Variants in SMAD1 observed in about 807,000 individuals in gnomAD.
The protein encoded by SMAD1 is SMAD family member 1.
Under a neutral mutation model 41.6 loss-of-function variants are expected in SMAD1, and 6 were observed. The observed-to-expected ratio is 0.14, with a 90% confidence interval of 0.08 to 0.28. The LOEUF (loss-of-function observed/expected upper bound fraction) is 0.28. Ranked by LOEUF, SMAD1 falls within the 10% of genes least tolerant of loss-of-function variation. The pLI is 1.00. For synonymous variants in SMAD1, 206 were observed against 203.2 expected, an observed-to-expected ratio of 1.01 and a Z score of -0.12; for missense variants, 379 against 582.6, an observed-to-expected ratio of 0.65 and a Z score of 3.60.
intron 2 of SMAD1, among the ~76,000 whole-genome samples, chr4:145,533,514 T>C (rs756070798): frequency 1.2e-4 from 18 of 151,532 alleles, no homozygotes; most frequent in African/African-American, 3.4e-4. Context: ...AGCGAGACCC[T>C]GTCTCTACAA....
At chr4:145,491,649 G>GGA (rs1193900308) in intron 1 of SMAD1, among the ~76,000 whole-genome samples, 2 of 152,154 alleles carry the variant, frequency 1.3e-5, no homozygotes, top group Non-Finnish European at 2.9e-5. Context: ...GGAGTGTCAA[G>GGA]GAGGTACAAG....
At chr4:145,535,384 A>C (rs563856519) in intron 2 of SMAD1, among the ~76,000 whole-genome samples, 1 of 152,366 alleles carries the variant, frequency 6.6e-6, no homozygotes, top group South Asian at 2.1e-4. Flanking sequence ...ATATATGCAC[A>C]GTCATTGCAG....
At chr4:145,493,608 A>G (rs1335373820) in intron 1 of SMAD1, among the ~76,000 whole-genome samples, 1 of 152,230 alleles carries the variant, frequency 6.6e-6, no homozygotes, top group Non-Finnish European at 1.5e-5. Flanking sequence ...TTTATAGCAT[A>G]TATTTGCTGA....
At chr4:145,494,037 C>T (rs1168819850) in intron 1 of SMAD1, among the ~76,000 whole-genome samples, 1 of 152,324 alleles carries the variant, frequency 6.6e-6, no homozygotes, top group East Asian at 1.9e-4. Flanking sequence ...TCTTGGCTCA[C>T]TGCAACCTCC....
At chr4:145,532,048 G>A (rs886290605) in intron 2 of SMAD1, among the ~76,000 whole-genome samples, 1 of 152,160 alleles carries the variant, frequency 6.6e-6, no homozygotes, top group Non-Finnish European at 1.5e-5. Flanking sequence ...CACATCTAGA[G>A]TTTACAGGAA....
rs1732281976 is a variant in SMAD1 at position 145,546,936 on chromosome 4, C to T, written c.997+12C>T. ...GCATATTGGAAAAGGTGAGTTTTTG[C>T]TTTAACCTCTTTCAGATGTTTATCT... On this transcript the variant is annotated intron_variant, in intron 5 of 6. Coordinates refer to ENST00000302085, the MANE Select transcript of SMAD1 (RefSeq NM_005900.3). 6.3e-7 allele frequency: 1 copy of T among 1,591,358 alleles called. No individual in the cohort carries two copies. The highest frequency in any genetic ancestry group is 1.3e-5 in the African/African-American group (1 of 74,536).
chr4:145,499,001 G>A (rs1386525277), intron 1 of SMAD1, among the ~76,000 whole-genome samples: 1 of 151,958 alleles, frequency 6.6e-6, no homozygotes, highest in East Asian at 1.9e-4. Context: ...ACCTCTTATT[G>A]CCACCTTCAG....
chr4:145,542,544 C>A (rs188518060), intron 3 of SMAD1, 38 bp from the exon 4 acceptor site: 2 of 1,276,668 alleles, frequency 1.6e-6, no homozygotes, highest in African/African-American at 3.0e-5. Context: ...TGTATGTTTA[C>A]TAAGGGTTAA....
chr4:145,496,511 A>G (rs981284777), intron 1 of SMAD1, among the ~76,000 whole-genome samples: 2 of 152,240 alleles, frequency 1.3e-5, no homozygotes, highest in African/African-American at 4.8e-5. Context: ...TTTTGAATAT[A>G]GTTGACCCTT....
rs556775650 is a variant in SMAD1, at chr4:145,494,251, C to T, written c.-177+12213C>T. 3.9e-5 allele frequency among the ~76,000 whole-genome samples: 6 copies of T among 152,314 alleles called. No individual in the cohort carries two copies. In the East Asian group the frequency reaches 5.8e-4, roughly 15 times the overall value. ...CTGGGATTACAGGCGTGAGCCACCG[C>T]GCCCGGCCCCAGTTCATTCTTTCAG... On this transcript the variant is annotated intron_variant, in intron 1 of 6. Coordinates refer to ENST00000302085, the MANE Select transcript of SMAD1 (RefSeq NM_005900.3).
In SMAD1 at chr4:145,482,582, G is replaced by C. The variant is rs971329054; in HGVS notation, c.-177+544G>C. The C allele has an allele frequency of 6.7e-6, 1 of 149,512 alleles. No individual in the cohort carries two copies. The highest frequency in any genetic ancestry group is 1.5e-5 in the Non-Finnish European group (1 of 67,042). The allele number at this position is 149,512 out of a possible 1,614,324, so 9.3% of individuals were successfully genotyped here. The stretch of plus-strand genomic sequence containing the variant: ...GCGCCTGGTGGAGCGGGTCTCGCGG[G>C]CGGGGGACCCCGGCGCCCCGGGCCC... On this transcript the variant is annotated intron_variant, in intron 1 of 6. Transcript: ENST00000302085. This position sits in a 1 kb window ranked among gnomAD's most constrained non-coding sequence, Gnocchi z 4.2.
At chr4:145,488,085 A>T (rs1047273811) in intron 1 of SMAD1, among the ~76,000 whole-genome samples, 2 of 152,102 alleles carry the variant, frequency 1.3e-5, no homozygotes, top group East Asian at 3.8e-4. Context: ...GATTTTCCCA[A>T]ATCTCTTTTA....
At chr4:145,518,899 CAAAT>C (rs1420066565) in intron 2 of SMAD1, among the ~76,000 whole-genome samples, 1 of 125,306 alleles carries the variant, frequency 8.0e-6, no homozygotes, top group Non-Finnish European at 2.0e-5. Flanking sequence ...TTTAAATTGA[CAAAT>C]AATTGTATAT....
intron 1 of SMAD1, among the ~76,000 whole-genome samples, chr4:145,490,997 G>A (rs1454210526): frequency 6.6e-6 from 1 of 152,140 alleles, no homozygotes; most frequent in East Asian, 1.9e-4. Flanking sequence ...GAAGGAAAGG[G>A]GAGTTTGATT....
chr4:145,508,439 T>C (rs1004980253), intron 1 of SMAD1, among the ~76,000 whole-genome samples: 3 of 152,116 alleles, frequency 2.0e-5, no homozygotes, highest in African/African-American at 7.2e-5. Context: ...ATATTTTATT[T>C]TCCTTACATG....
At chr4:145,537,123 C>T (rs183435418) in intron 2 of SMAD1, among the ~76,000 whole-genome samples, 188 of 152,270 alleles carry the variant, frequency 1.2e-3, no homozygotes, top group Non-Finnish European at 2.2e-3. Context: ...ATATGTGATT[C>T]TACCTTAGGT....
At position 145,482,197 on chromosome 4, in the gene SMAD1, G is replaced by A. The variant is rs1209386716; in HGVS notation, c.-177+159G>A. Among the ~76,000 whole-genome samples, 1 of 150,798 alleles carries A rather than the reference G, an allele frequency of 6.6e-6. No individual in the cohort carries two copies. The highest frequency in any genetic ancestry group is 1.5e-5 in the Non-Finnish European group (1 of 67,736). On this transcript the variant is annotated intron_variant, in intron 1 of 6. Transcript: ENST00000302085. The surrounding 1 kb of genome is among the most constrained non-coding windows in gnomAD (Gnocchi z 4.2). ...GGGCGCGGGCAGCGGCGGGAAGGGGGCTCTTTCTGCGCGGGGCGGGCCGCG... is the reference window on the plus strand; with the variant it reads ...GGGCGCGGGCAGCGGCGGGAAGGGGACTCTTTCTGCGCGGGGCGGGCCGCG...
At chr4:145,517,562 G>A (rs938968888) in intron 2 of SMAD1, among the ~76,000 whole-genome samples, 2 of 152,084 alleles carry the variant, frequency 1.3e-5, no homozygotes. Context: ...GGGACTATGT[G>A]TATAATTAAC....
chr4:145,508,131 G>C (rs1460395439), intron 1 of SMAD1, among the ~76,000 whole-genome samples: 1 of 148,494 alleles, frequency 6.7e-6, no homozygotes, highest in Non-Finnish European at 1.5e-5. Flanking sequence ...CTGTATTGAA[G>C]ATATTACCTT....
Sources: gnomAD v4.1 joint callset for allele counts (sites outside exome capture counted in the v4.1 genomes callset) on GRCh38, gnomAD v4.1.1 for gene constraint, Gnocchi (gnomAD v3.1) non-coding constraint, MANE v1.5 for transcripts, NCBI Gene and HGNC (gene_info 2026-07-23, HGNC 2026-07-21) for gene names.